Variants in ARHGEF4 observed in about 807,000 individuals in gnomAD.
ARHGEF4 encodes APC-stimulated guanine nucleotide exchange factor 1.
Under a neutral mutation model 162.0 loss-of-function variants are expected in ARHGEF4, and 119 were observed. The observed-to-expected ratio is 0.73, with a 90% CI of 0.63 to 0.86. The LOEUF is 0.86. ARHGEF4 is among the 40% of genes least tolerant of loss of function. The pLI, the probability that ARHGEF4 is intolerant of heterozygous loss-of-function variation, is 0.00. For synonymous variants in ARHGEF4, 1,014 were observed against 979.9 expected (o/e 1.03, Z -0.65); for missense variants, 2,488 against 2,456.0 (o/e 1.01, Z -0.28).
At chr2:131,043,364 A>G (rs1690971394) in intron 10 of ARHGEF4, 88 bp from the exon 11 acceptor site, 4 of 1,545,212 alleles carry the variant, frequency 2.6e-6, no homozygotes, top group East Asian at 2.3e-5. Flanking sequence ...GGCCAGGGGG[A>G]GGTGCGCCAC....
chr2:130,931,156 G>A lies in ARHGEF4; in HGVS notation c.3757G>A (p.Asp1253Asn), dbSNP rs1461340182. The change falls in exon 3 of 14, where the codon GAT (aspartate) becomes AAT (asparagine). Residue 1253 changes from aspartate (D) to asparagine (N), a missense_variant. Around this residue, in one of 6 missense-constraint regions of ARHGEF4, gnomAD observed 1,642 missense variants for 1,481.5 expected, o/e 1.11. Coordinates refer to ENST00000409359, the MANE Select transcript of ARHGEF4 (RefSeq NM_001367493.1). ...CCCTCACCGCTCGCCCGTCAGTGTG[G>A]ATGACCTGTGGCTGGAGAAGACACA... ...GIPHRSPVSV[D>N]DLWLEKTQRK... The A allele has an allele frequency of 1.2e-6, 2 of 1,614,074 alleles. No individual in the cohort carries two copies. Among genetic ancestry groups the A allele is most frequent in the African/African-American group, 1.3e-5 (1 of 74,936 alleles).
chr2:131,029,394 T>C (rs1028895826), intron 5 of ARHGEF4, among the ~76,000 whole-genome samples: 2 of 152,018 alleles, frequency 1.3e-5, no homozygotes, highest in African/African-American at 4.8e-5. Flanking sequence ...AATAATGCGC[T>C]ACTCAAAATC....
chr2:130,854,944 G>T (rs1439429126), intron 1 of ARHGEF4, among the ~76,000 whole-genome samples: 1 of 151,726 alleles, frequency 6.6e-6, no homozygotes, highest in Non-Finnish European at 1.5e-5. Flanking sequence ...CGCAATCTCG[G>T]CTCACTGCAA....
chr2:130,865,181 A>G (rs1682184798), intron 1 of ARHGEF4, among the ~76,000 whole-genome samples: 1 of 152,230 alleles, frequency 6.6e-6, no homozygotes, highest in African/African-American at 2.4e-5. Context: ...CAGAAGAGAG[A>G]GGAAATTGCC....
rs182097766 is a variant in ARHGEF4 at position 130,886,638 on chromosome 2, G to A, written c.40-27348G>A. ...GGAGCTTGCAGTGAGCCGAGATCGC[G>A]CCACTGCACTCCAGCCTGGGTGGCA... On this transcript the variant is annotated intron_variant, in intron 1 of 13. Transcript: ENST00000409359. Among the ~76,000 whole-genome samples, 6 of 149,990 alleles carry A rather than the reference G, an allele frequency of 4.0e-5. No individual in the cohort carries two copies. In the East Asian group the frequency reaches 9.8e-4, roughly 24 times the overall value.
chr2:131,023,652 G>A (rs1380930510), intron 4 of ARHGEF4, among the ~76,000 whole-genome samples: 2 of 152,170 alleles, frequency 1.3e-5, no homozygotes, highest in Non-Finnish European at 2.9e-5. Context: ...GAGACATTGA[G>A]AGTAATAGGA....
In ARHGEF4 at chr2:130,992,137, G is replaced by C. The variant is rs182523320; in HGVS notation, c.3986-35808G>C. Among the ~76,000 whole-genome samples the C allele has an allele frequency of 2.6e-5, 4 of 152,246 alleles. No homozygotes were observed. In the East Asian group the frequency reaches 5.8e-4, roughly 22 times the overall value. On this transcript the variant is annotated intron_variant, in intron 4 of 13. Transcript: ENST00000409359. ...ATCTAACTAATCTGATGGGGACGAG[G>C]CGAACCTTTGTATCTAGCTCAGGGA...
intron 1 of ARHGEF4, among the ~76,000 whole-genome samples, chr2:130,907,059 T>A (rs1680857576): frequency 6.6e-6 from 1 of 152,176 alleles, no homozygotes; most frequent in South Asian, 2.1e-4. Context: ...TGGAAACCCT[T>A]GATCTGTTTA....
At chr2:130,845,276 T>C (rs7584282) in intron 1 of ARHGEF4, among the ~76,000 whole-genome samples, 14,752 of 151,344 alleles carry the variant, frequency 0.097, 1,007 homozygotes, top group East Asian at 0.19. Flanking sequence ...TCCCAGCACT[T>C]TGGGAGGCCA....
chr2:130,876,894 A>G (rs990042257), intron 1 of ARHGEF4, among the ~76,000 whole-genome samples: 1 of 152,182 alleles, frequency 6.6e-6, no homozygotes. Context: ...TCTTACAAAT[A>G]TATGGATCTT....
At chr2:130,963,410 C>T (rs1684754249) in intron 4 of ARHGEF4, among the ~76,000 whole-genome samples, 1 of 152,010 alleles carries the variant, frequency 6.6e-6, no homozygotes, top group African/African-American at 2.4e-5. Context: ...CTGCTTGCGT[C>T]CTCGCCCTGG....
At chr2:131,041,689 T>G in intron 9 of ARHGEF4, 126 bp from the exon 10 acceptor site, 1 of 1,332,812 alleles carries the variant, frequency 7.5e-7, no homozygotes, top group Middle Eastern at 2.7e-4. Flanking sequence ...GTGCATCTGA[T>G]AGTGAGGATG....
In ARHGEF4 at chr2:131,039,929, G is replaced by T. The variant is rs562011158; in HGVS notation, c.4306-87G>T. The T allele has an allele frequency of 9.1e-5, 136 of 1,494,934 alleles. No individual in the cohort carries two copies. In the African/African-American group the frequency reaches 1.3e-3, roughly 14 times the overall value. The allele number at this position is 1,494,934 out of a possible 1,614,324, so 92.6% of individuals were successfully genotyped here. A position where few individuals can be genotyped will look rare whatever the true frequency, so the allele number is the denominator to read the frequency against. Reference sequence around the variant, plus strand: ...GCCCCGTACACCCTGCGGGGCCTCCGAGGCCCGGTTCCCGCCGCTGCGGCG... The same window carrying T: ...GCCCCGTACACCCTGCGGGGCCTCCTAGGCCCGGTTCCCGCCGCTGCGGCG... On this transcript the variant is annotated intron_variant, in intron 6 of 13. Transcript: ENST00000409359.
intron 4 of ARHGEF4, among the ~76,000 whole-genome samples, chr2:130,970,711 T>C (rs764209062): frequency 6.6e-6 from 1 of 152,196 alleles, no homozygotes; most frequent in Non-Finnish European, 1.5e-5. Flanking sequence ...GTTTGGCATA[T>C]GCATATCTTC....
rs892361173 is a variant in ARHGEF4 at position 131,038,756 on chromosome 2, C to T, written c.4126-97C>T. On this transcript the variant is annotated intron_variant, in intron 5 of 13. Coordinates refer to ENST00000409359, the MANE Select transcript of ARHGEF4 (RefSeq NM_001367493.1). Reference sequence around the variant, plus strand: ...AGCTCCTCTGTAAAGAAGTCAGGATCCCCTCTTCCCAGGGCTGCTGAGGGA... The same window carrying T: ...AGCTCCTCTGTAAAGAAGTCAGGATTCCCTCTTCCCAGGGCTGCTGAGGGA... 17 of 1,364,236 alleles carry T rather than the reference C, an allele frequency of 1.2e-5. No individual in the cohort carries two copies. The African/African-American group carries it at 1.9e-4, about 15-fold the overall frequency. The allele number at this position is 1,364,236 out of a possible 1,614,324, so 84.5% of individuals were successfully genotyped here.
chr2:131,040,380 G>T lies in ARHGEF4; in HGVS notation c.4602G>T (p.Glu1534Asp), dbSNP rs1157902821. The part of the protein sequence containing the change: ...RCQKAFVKAL[E>D]QRFNRERPHL... ...AGAAGGCCTTCGTGAAGGCCCTGGA[G>T]CAGAGGTTCAACCGCGAGCGCCCAC... is the stretch of plus-strand genomic sequence containing the variant. Residue 1534 changes from glutamate to aspartate, a missense_variant, in exon 8 of 14, where the codon GAG becomes GAT. Physicochemically the swap from Glu to Asp is conservative, Grantham distance 45 (BLOSUM62 2). This residue lies in a region of ARHGEF4 where 415 missense variants were observed against 512.4 expected (regional missense o/e 0.81). Coordinates refer to ENST00000409359, the MANE Select transcript of ARHGEF4 (RefSeq NM_001367493.1). 3.7e-6 allele frequency: 6 copies of T among 1,610,252 alleles called. No individual in the cohort carries two copies. The highest frequency in any genetic ancestry group is 5.1e-6 in the Non-Finnish European group (6 of 1,178,706).
chr2:130,964,383 TC>T (rs60277859), intron 4 of ARHGEF4: 65,754 of 363,120 alleles, frequency 0.18, 6,336 homozygotes, highest in South Asian at 0.27. Flanking sequence ...CCTGGTCCCT[TC>T]CTTCCCATTG....
At chr2:130,873,597 A>G (rs1358116531) in intron 1 of ARHGEF4, among the ~76,000 whole-genome samples, 1 of 151,972 alleles carries the variant, frequency 6.6e-6, no homozygotes, top group Non-Finnish European at 1.5e-5. Flanking sequence ...CAAAAAAAAA[A>G]AAAAGGAAAA....
chr2:130,845,548 C>T (rs1030247987), intron 1 of ARHGEF4, among the ~76,000 whole-genome samples: 2 of 152,056 alleles, frequency 1.3e-5, no homozygotes, highest in Non-Finnish European at 2.9e-5. Flanking sequence ...CTGCCCACCT[C>T]GGCCTCCCAA....
Sources: allele counts gnomAD v4.1 joint callset (sites outside exome capture counted in the v4.1 genomes callset), GRCh38; gene constraint gnomAD v4.1.1; regional missense constraint gnomAD v4.1.1; transcripts MANE v1.5; gene names NCBI Gene and HGNC (gene_info 2026-07-23, HGNC 2026-07-21).